ANGPT1: variants seen among roughly 807,000 people sequenced by gnomAD.
ANGPT1 encodes the protein angiopoietin-1.
In ANGPT1, 17 loss-of-function variants were observed where a neutral mutation model predicts 62.2. That is an observed-to-expected ratio of 0.27 (90% CI 0.19 to 0.41). The LOEUF (loss-of-function observed/expected upper bound fraction) is 0.41. ANGPT1 is among the 10% of genes least tolerant of loss of function. The pLI is 1.00. For synonymous variants in ANGPT1, 199 were observed against 198.9 expected (o/e 1.00, Z 0.00); for missense variants, 478 against 594.9 (o/e 0.80, Z 2.04).
chr8:107,446,403 C>T (rs1219164031), intron 1 of ANGPT1, among the ~76,000 whole-genome samples: 1 of 152,146 alleles, frequency 6.6e-6, no homozygotes, highest in Admixed American at 6.6e-5. Flanking sequence ...TGGCTAGCTG[C>T]TACCATATTG....
chr8:107,336,432 A>G (rs940046959), intron 2 of ANGPT1, 161 bp from the exon 3 acceptor site: 16 of 1,117,646 alleles, frequency 1.4e-5, no homozygotes, highest in African/African-American at 5.0e-5. Context: ...TTGGGAGGCC[A>G]AGGCGGGTGG....
In ANGPT1 at chr8:107,250,492, T is replaced by A. The variant is rs1210863852; in HGVS notation, c.*1363A>T. The A allele has an allele frequency of 5.3e-5, 8 of 152,200 alleles. No individual in the cohort carries two copies. The East Asian group carries it at 1.5e-3, about 29-fold the overall frequency. The allele number at this position is 152,200 out of a possible 1,614,324, so 9.4% of individuals were successfully genotyped here. A position where few individuals can be genotyped will look rare whatever the true frequency, so the allele number is the denominator to read the frequency against. ...ATTTTTCTCCCCTGATAATAATTTTTAAAAATTAAAAATTGCCTAAGGGAA... is the reference window on the plus strand; with the variant it reads ...ATTTTTCTCCCCTGATAATAATTTTAAAAAATTAAAAATTGCCTAAGGGAA... On this transcript the variant is annotated 3_prime_UTR_variant, in exon 9 of 9. Transcript: ENST00000517746.
intron 1 of ANGPT1, among the ~76,000 whole-genome samples, chr8:107,476,263 G>C (rs901488659): frequency 4.6e-5 from 7 of 152,086 alleles, no homozygotes; most frequent in African/African-American, 1.7e-4. Flanking sequence ...CCATAAAAAA[G>C]GATGAGTTCA....
intron 1 of ANGPT1, among the ~76,000 whole-genome samples, chr8:107,470,547 A>G (rs1586349639): frequency 6.6e-6 from 1 of 152,164 alleles, no homozygotes; most frequent in African/African-American, 2.4e-5. Flanking sequence ...TGTCAGATGG[A>G]TAGATTGCAA....
chr8:107,386,793 C>A (rs759133977), intron 1 of ANGPT1, among the ~76,000 whole-genome samples: 7 of 152,088 alleles, frequency 4.6e-5, no homozygotes, highest in African/African-American at 1.2e-4. Context: ...TACACTAACA[C>A]AGTCTCGAAG....
intron 1 of ANGPT1, among the ~76,000 whole-genome samples, chr8:107,413,861 CAGA>C (rs1810657263): frequency 6.6e-6 from 1 of 151,850 alleles, no homozygotes; most frequent in South Asian, 2.1e-4. Context: ...GTTAGTCTTG[CAGA>C]AGGAGGATGG....
chr8:107,468,337 T>A (rs1283021411), intron 1 of ANGPT1, among the ~76,000 whole-genome samples: 1 of 152,032 alleles, frequency 6.6e-6, no homozygotes, highest in Non-Finnish European at 1.5e-5. Context: ...TTAGGTCAAG[T>A]AAAAATCAAT....
chr8:107,481,486 A>G (rs1812681918), intron 1 of ANGPT1, among the ~76,000 whole-genome samples: 1 of 137,092 alleles, frequency 7.3e-6, no homozygotes, highest in African/African-American at 2.7e-5. Flanking sequence ...GTGAGCCAAG[A>G]TTACACCACT....
At chr8:107,472,808 A>T (rs1264922677) in intron 1 of ANGPT1, among the ~76,000 whole-genome samples, 2 of 151,914 alleles carry the variant, frequency 1.3e-5, no homozygotes, top group African/African-American at 4.8e-5. Context: ...TAAGAACATT[A>T]TGTCTTATAA....
At chr8:107,370,958 C>A (rs1816397278) in intron 1 of ANGPT1, among the ~76,000 whole-genome samples, 1 of 101,514 alleles carries the variant, frequency 9.9e-6, no homozygotes, top group Non-Finnish European at 2.2e-5. Context: ...TTGCCACAAA[C>A]CTTTGATTTG....
At chr8:107,420,899 T>G (rs1810879876) in intron 1 of ANGPT1, among the ~76,000 whole-genome samples, 1 of 152,082 alleles carries the variant, frequency 6.6e-6, no homozygotes, top group African/African-American at 2.4e-5. Context: ...TCAAAAGAAA[T>G]GATTTCATAT....
At chr8:107,396,694 T>G (rs1412534400) in intron 1 of ANGPT1, among the ~76,000 whole-genome samples, 1 of 151,938 alleles carries the variant, frequency 6.6e-6, no homozygotes, top group Non-Finnish European at 1.5e-5. Flanking sequence ...CTAATTTTTC[T>G]GTACGTTTTG....
intron 1 of ANGPT1, among the ~76,000 whole-genome samples, chr8:107,360,827 C>G (rs1052653967): frequency 6.6e-6 from 1 of 152,144 alleles, no homozygotes; most frequent in African/African-American, 2.4e-5. Flanking sequence ...ACCACTCTCA[C>G]GCTTAGAAAT....
intron 1 of ANGPT1, among the ~76,000 whole-genome samples, chr8:107,381,821 C>T (rs893651716): frequency 2.0e-5 from 3 of 152,178 alleles, no homozygotes; most frequent in African/African-American, 7.2e-5. Flanking sequence ...GCAAGCCCTA[C>T]AGGGTATTAA....
chr8:107,493,831 TA>T (rs1244383108), intron 1 of ANGPT1, among the ~76,000 whole-genome samples: 2 of 150,408 alleles, frequency 1.3e-5, no homozygotes, highest in African/African-American at 4.9e-5. Flanking sequence ...TATATGGGTT[TA>T]AAAAAATCGT....
intron 7 of ANGPT1, among the ~76,000 whole-genome samples, chr8:107,278,440 T>G (rs531392761): frequency 6.6e-6 from 1 of 152,206 alleles, no homozygotes; most frequent in Admixed American, 6.5e-5. Flanking sequence ...AAGGTATATA[T>G]GTACACTCTT....
chr8:107,402,975 C>T (rs1817075100), intron 1 of ANGPT1, among the ~76,000 whole-genome samples: 1 of 151,924 alleles, frequency 6.6e-6, no homozygotes, highest in South Asian at 2.1e-4. Context: ...TGGAAATAAC[C>T]ATATATCAGT....
intron 2 of ANGPT1, among the ~76,000 whole-genome samples, chr8:107,343,273 G>A (rs1171953489): frequency 6.6e-6 from 1 of 152,154 alleles, no homozygotes; most frequent in East Asian, 1.9e-4. Context: ...AAAATTGGGA[G>A]GAAGCCAGAG....
At chr8:107,368,969 C>T (rs1020550094) in intron 1 of ANGPT1, among the ~76,000 whole-genome samples, 2 of 116,570 alleles carry the variant, frequency 1.7e-5, no homozygotes, top group Admixed American at 9.5e-5. Flanking sequence ...AAGTTACCAG[C>T]TGCGTTATCC....
Sources: gnomAD v4.1 joint callset for allele counts (sites outside exome capture counted in the v4.1 genomes callset) on GRCh38, gnomAD v4.1.1 for gene constraint, MANE v1.5 for transcripts, NCBI Gene and HGNC (gene_info 2026-07-23, HGNC 2026-07-21) for gene names.